OR2L13: variants seen among roughly 807,000 people sequenced by gnomAD.
The protein encoded by OR2L13 is olfactory receptor family 2 subfamily L member 13.
A neutral mutation model predicts 15.3 loss-of-function variants in OR2L13; 14 were observed. The observed-to-expected ratio is 0.91, with a 90% confidence interval of 0.60 to 1.43. The LOEUF (loss-of-function observed/expected upper bound fraction) is 1.43, where lower values mean the gene tolerates loss of function less well. Ranked by LOEUF, OR2L13 falls within the 40% of genes most tolerant of loss-of-function variation. OR2L13 has a pLI of 0.00. For missense variants in OR2L13, 367 were observed against 387.9 expected (o/e 0.95, Z 0.45); for synonymous variants, 152 against 142.9 (o/e 1.06, Z -0.45).
chr1:248,046,070 G>A, the OR2L13 span, among the ~76,000 whole-genome samples: 1 of 151,904 alleles, frequency 6.6e-6, no homozygotes, highest in African/African-American at 2.4e-5. Context: ...GCTATAAACA[G>A]TAAGAAATTC....
the OR2L13 span, among the ~76,000 whole-genome samples, chr1:247,951,277 A>G: frequency 6.6e-6 from 1 of 152,148 alleles, no homozygotes; most frequent in Middle Eastern, 3.4e-3. Flanking sequence ...GGGGTCTTTC[A>G]TAGTTCATAC....
At chr1:248,070,418 T>C in the OR2L13 span, among the ~76,000 whole-genome samples, 2 of 152,120 alleles carry the variant, frequency 1.3e-5, no homozygotes, top group South Asian at 2.1e-4. Flanking sequence ...AGATGTTCTT[T>C]GAAAACAACA....
At chr1:247,965,768 A>G in the OR2L13 span, 2 of 1,586,066 alleles carry the variant, frequency 1.3e-6, no homozygotes. Context: ...CACCCTTTAC[A>G]TTATCCTATG....
chr1:247,949,608 T>C, the OR2L13 span: 4 of 1,614,058 alleles, frequency 2.5e-6, no homozygotes, highest in Non-Finnish European at 3.4e-6. Flanking sequence ...AACTTTCTAC[T>C]ATGCACCTTT....
chr1:247,953,461 G>A, the OR2L13 span, among the ~76,000 whole-genome samples: 1 of 152,096 alleles, frequency 6.6e-6, no homozygotes, highest in African/African-American at 2.4e-5. Context: ...TTTATGGAAA[G>A]GGACATGAGT....
the OR2L13 span, among the ~76,000 whole-genome samples, chr1:247,955,911 G>A: frequency 6.6e-6 from 1 of 151,258 alleles, no homozygotes; most frequent in African/African-American, 2.4e-5. Flanking sequence ...CACTCTGATG[G>A]TAGTTTCTTT....
At chr1:248,013,721 T>C in the OR2L13 span, 1 of 152,106 alleles carries the variant, frequency 6.6e-6, no homozygotes, top group Non-Finnish European at 1.5e-5. Context: ...GTGTTTGAAA[T>C]TGAGGAGATA....
chr1:248,055,409 T>G, the OR2L13 span, among the ~76,000 whole-genome samples: 4 of 152,096 alleles, frequency 2.6e-5, no homozygotes, highest in East Asian at 7.7e-4. Flanking sequence ...TTCTTTTTTT[T>G]TTGTTATGTC....
the OR2L13 span, among the ~76,000 whole-genome samples, chr1:248,087,285 G>A: frequency 6.6e-6 from 1 of 152,078 alleles, no homozygotes; most frequent in African/African-American, 2.4e-5. Flanking sequence ...GTGTTTCTGG[G>A]TAGACACAGA....
upstream of OR2L13, among the ~76,000 whole-genome samples, chr1:248,095,763 C>T (rs938601211): frequency 2.7e-5 from 4 of 150,814 alleles, no homozygotes; most frequent in East Asian, 2.0e-4. Context: ...CATGCCACCA[C>T]GCCTGGCTAA....
chr1:248,062,534 A>G, the OR2L13 span: 1 of 152,212 alleles, frequency 6.6e-6, no homozygotes, highest in East Asian at 1.9e-4. Context: ...GAACTAGTGG[A>G]AATAGAGAAG....
the OR2L13 span, among the ~76,000 whole-genome samples, chr1:247,944,221 A>C: frequency 1.3e-5 from 2 of 152,126 alleles, no homozygotes; most frequent in Admixed American, 1.3e-4. Context: ...TGTGAGAAAA[A>C]AGATTTATTT....
At chr1:248,054,361 T>A in the OR2L13 span, among the ~76,000 whole-genome samples, 1 of 152,134 alleles carries the variant, frequency 6.6e-6, no homozygotes, top group South Asian at 2.1e-4. Flanking sequence ...TTACTGTAGC[T>A]TTGTAGTATA....
At chr1:248,077,620 T>C in the OR2L13 span, among the ~76,000 whole-genome samples, 2 of 152,190 alleles carry the variant, frequency 1.3e-5, no homozygotes, top group African/African-American at 4.8e-5. Flanking sequence ...AGAAAATCTT[T>C]ATGACTTGGG....
the OR2L13 span, among the ~76,000 whole-genome samples, chr1:247,986,279 A>G: frequency 1.3e-5 from 2 of 152,068 alleles, no homozygotes; most frequent in Non-Finnish European, 2.9e-5. Flanking sequence ...ATCTTGAATT[A>G]ATTTTTGTAT....
At chr1:247,976,524 C>T in the OR2L13 span, among the ~76,000 whole-genome samples, 2 of 152,108 alleles carry the variant, frequency 1.3e-5, no homozygotes, top group African/African-American at 4.8e-5. Flanking sequence ...AAGATTGTAA[C>T]TATGGAAAGT....
At chr1:247,975,615 G>A in the OR2L13 span, 1 of 1,305,220 alleles carries the variant, frequency 7.7e-7, no homozygotes, top group South Asian at 1.2e-5. Flanking sequence ...AGGTGATGGG[G>A]GCCCTGACAC....
the OR2L13 span, among the ~76,000 whole-genome samples, chr1:247,984,059 G>A: frequency 0.033 from 5,053 of 152,048 alleles, 257 homozygotes; most frequent in African/African-American, 0.12. Context: ...CTAGTGGGAG[G>A]GAGTTTTGAG....
At chr1:247,948,751 A>G in the OR2L13 span, 1 of 888,504 alleles carries the variant, frequency 1.1e-6, no homozygotes, top group African/African-American at 1.7e-5. Context: ...CTGCAGTTTC[A>G]AACATCCACT....
Sources: gnomAD v4.1 joint callset for allele counts (sites outside exome capture counted in the v4.1 genomes callset) on GRCh38, gnomAD v4.1.1 for gene constraint, MANE v1.5 for transcripts, NCBI Gene and HGNC (gene_info 2026-07-23, HGNC 2026-07-21) for gene names.